Variants in FARP2 observed in about 807,000 individuals in gnomAD.
The protein encoded by FARP2 is FERM, ARH/RhoGEF and pleckstrin domain protein 2, also known as FERM, ARHGEF and pleckstrin domain-containing protein 2.
In FARP2, 111 loss-of-function variants were observed where a neutral mutation model predicts 130.5. That is an observed-to-expected ratio of 0.85 (90% CI 0.73 to 1.00). The LOEUF is 1.00. Among genes scored for constraint, FARP2 ranks in the 50% least tolerant of loss-of-function variants. The pLI is 0.00. For synonymous variants in FARP2, 504 were observed against 516.9 expected (o/e 0.98, Z 0.34); for missense variants, 1,385 against 1,346.3 (o/e 1.03, Z -0.45).
At chr2:241,379,901 G>A (rs2061621532) in intron 2 of FARP2, among the ~76,000 whole-genome samples, 1 of 152,130 alleles carries the variant, frequency 6.6e-6, no homozygotes, top group African/African-American at 2.4e-5. Flanking sequence ...CTATTCCTTT[G>A]ACCCTGATGC....
At chr2:241,367,285 G>A (rs949549959) in intron 1 of FARP2, among the ~76,000 whole-genome samples, 1 of 152,148 alleles carries the variant, frequency 6.6e-6, no homozygotes, top group Non-Finnish European at 1.5e-5. Flanking sequence ...TTATGCAGCA[G>A]TGTTCTGGGG....
chr2:241,477,110 T>A (rs1349845889), intron 19 of FARP2, among the ~76,000 whole-genome samples: 3 of 150,284 alleles, frequency 2.0e-5, no homozygotes, highest in Non-Finnish European at 4.4e-5. Flanking sequence ...CTTTTCAAGG[T>A]TCATTCATGT....
At chr2:241,444,716 C>G (rs942486755) in intron 13 of FARP2, 1 of 152,192 alleles carries the variant, frequency 6.6e-6, no homozygotes, top group Non-Finnish European at 1.5e-5. Context: ...ACTAGGCCTC[C>G]TATAAAATAG....
intron 7 of FARP2, among the ~76,000 whole-genome samples, chr2:241,417,627 G>T (rs1391787291): frequency 9.0e-6 from 1 of 110,650 alleles, no homozygotes; most frequent in Admixed American, 1.1e-4. Context: ...CCGGCCCTCT[G>T]TGGTGTTTCT....
intron 14 of FARP2, among the ~76,000 whole-genome samples, chr2:241,457,871 G>A (rs1041137998): frequency 2.0e-5 from 3 of 152,176 alleles, no homozygotes; most frequent in Non-Finnish European, 1.5e-5. Flanking sequence ...CACCTGGGGC[G>A]AGGGGGCGGT....
intron 13 of FARP2, among the ~76,000 whole-genome samples, chr2:241,453,769 GTTTTTTT>G (rs1180224982): frequency 6.1e-4 from 33 of 54,046 alleles, no homozygotes; most frequent in Non-Finnish European, 8.9e-4. Flanking sequence ...GCACTTACTG[GTTTTTTT>G]TTTTTTTTTT....
chr2:241,373,995 T>C (rs1201225820), intron 2 of FARP2, among the ~76,000 whole-genome samples: 1 of 152,098 alleles, frequency 6.6e-6, no homozygotes, highest in Admixed American at 6.5e-5. Context: ...GCATGAAAGT[T>C]CTTTTTATTC....
intron 7 of FARP2, among the ~76,000 whole-genome samples, chr2:241,414,725 G>A (rs934666999): frequency 5.9e-4 from 90 of 152,322 alleles, no homozygotes; most frequent in African/African-American, 2.1e-3. Context: ...ATACAGATGC[G>A]TTTCTACAGA....
At chr2:241,388,231 T>A (rs2061833672) in intron 2 of FARP2, among the ~76,000 whole-genome samples, 1 of 152,230 alleles carries the variant, frequency 6.6e-6, no homozygotes, top group Non-Finnish European at 1.5e-5. Context: ...AAGGATAGAC[T>A]TATAGATCAA....
rs1329327317 is a variant in FARP2 at position 241,388,406 on chromosome 2, A to G, written c.183+15116A>G. Among the ~76,000 whole-genome samples, 9 of 152,234 alleles carry G rather than the reference A, an allele frequency of 5.9e-5. No individual in the cohort carries two copies. The South Asian group carries it at 1.7e-3, about 28-fold the overall frequency. ...AAGAATGAATTTGGACCCCTACTTC[A>G]CATCATACTCAAAAACTAATTTAAA... is the stretch of plus-strand genomic sequence containing the variant. On this transcript the variant is annotated intron_variant, in intron 2 of 26. Transcript: ENST00000264042.
chr2:241,407,135 A>T (rs2062381838), intron 4 of FARP2, among the ~76,000 whole-genome samples: 1 of 152,216 alleles, frequency 6.6e-6, no homozygotes, highest in South Asian at 2.1e-4. Flanking sequence ...TTCCTTGAGT[A>T]ATCCCTGCTG....
chr2:241,396,629 A>G (rs1347309133), intron 2 of FARP2, among the ~76,000 whole-genome samples: 4 of 152,232 alleles, frequency 2.6e-5, no homozygotes, highest in South Asian at 2.1e-4. Context: ...CAAAACCACA[A>G]TGAGATACCA....
At chr2:241,419,921 G>A (rs1053833704) in intron 8 of FARP2, among the ~76,000 whole-genome samples, 6 of 152,146 alleles carry the variant, frequency 3.9e-5, no homozygotes, top group African/African-American at 1.4e-4. Flanking sequence ...AGGCTAAGGT[G>A]GGCAGATTGC....
intron 13 of FARP2, chr2:241,446,351 T>G (rs1037806890): frequency 4.0e-5 from 6 of 151,790 alleles, no homozygotes; most frequent in Non-Finnish European, 4.4e-5. Context: ...AAAAAAAGAG[T>G]TTAGTATGAA....
intron 5 of FARP2, 72 bp downstream of exon 5, chr2:241,407,687 T>C: frequency 1.7e-6 from 2 of 1,168,128 alleles, no homozygotes; most frequent in Admixed American, 1.9e-5. Context: ...CCACAGCACC[T>C]GGCTCATTGA....
intron 8 of FARP2, among the ~76,000 whole-genome samples, chr2:241,429,097 A>G (rs1464051597): frequency 6.6e-6 from 1 of 152,226 alleles, no homozygotes; most frequent in African/African-American, 2.4e-5. Context: ...GGTAACATCA[A>G]ACGTATAGTC....
At chr2:241,364,946 G>A (rs774243638) in intron 1 of FARP2, among the ~76,000 whole-genome samples, 3 of 152,112 alleles carry the variant, frequency 2.0e-5, no homozygotes, top group Non-Finnish European at 2.9e-5. Flanking sequence ...GTTGGACTGG[G>A]AGCCATGCCG....
intron 14 of FARP2, among the ~76,000 whole-genome samples, chr2:241,458,498 A>G (rs1303780058): frequency 6.6e-6 from 1 of 152,190 alleles, no homozygotes; most frequent in African/African-American, 2.4e-5. Flanking sequence ...CCTGGATCCC[A>G]CTGGAGTGGA....
chr2:241,431,270 C>A (rs1486053900), intron 8 of FARP2, among the ~76,000 whole-genome samples: 1 of 151,956 alleles, frequency 6.6e-6, no homozygotes, highest in Non-Finnish European at 1.5e-5. Context: ...AGTTTGAGAC[C>A]AGCCTGGGCA....
Sources: allele counts gnomAD v4.1 joint callset (sites outside exome capture counted in the v4.1 genomes callset), GRCh38; gene constraint gnomAD v4.1.1; transcripts MANE v1.5; gene names NCBI Gene and HGNC (gene_info 2026-07-23, HGNC 2026-07-21).